The following FAM135A variants were observed in gnomAD, a reference collection of about 807,000 sequenced individuals.
The protein encoded by FAM135A is family with sequence similarity 135 member A.
In FAM135A, 79 loss-of-function variants were observed where a neutral mutation model predicts 146.8. The ratio of observed to expected loss-of-function variants is 0.54; its 90% confidence interval spans 0.45 to 0.65. The LOEUF (loss-of-function observed/expected upper bound fraction) is 0.65, where lower values mean the gene tolerates loss of function less well. Among genes scored for constraint, FAM135A ranks in the 30% least tolerant of loss-of-function variants. The pLI, the probability that FAM135A is intolerant of heterozygous loss-of-function variation, is 0.00. For missense variants in FAM135A, 1,623 were observed against 1,758.2 expected (o/e 0.92, Z 1.38); for synonymous variants, 562 against 603.6 (o/e 0.93, Z 1.01).
intron 10 of FAM135A, among the ~76,000 whole-genome samples, chr6:70,485,883 G>A (rs536678095): frequency 6.6e-6 from 1 of 152,278 alleles, no homozygotes; most frequent in South Asian, 2.1e-4. Context: ...ATCTACACTT[G>A]TAACAGCAGG....
intron 5 of FAM135A, among the ~76,000 whole-genome samples, chr6:70,460,597 C>T (rs922836913): frequency 6.6e-5 from 10 of 152,266 alleles, no homozygotes; most frequent in African/African-American, 1.9e-4. Flanking sequence ...AGATCATAAG[C>T]GTCCAGTAAG....
intron 2 of FAM135A, among the ~76,000 whole-genome samples, chr6:70,422,254 T>C (rs1769018061): frequency 6.6e-6 from 1 of 152,194 alleles, no homozygotes; most frequent in African/African-American, 2.4e-5. Context: ...TGGAGCTAAG[T>C]AGCCATTGCT....
At chr6:70,530,532 A>G (rs375071896) in intron 16 of FAM135A, among the ~76,000 whole-genome samples, 192 of 152,268 alleles carry the variant, frequency 1.3e-3, no homozygotes, top group Non-Finnish European at 2.2e-3. Flanking sequence ...GAATCCACTA[A>G]ACTATTTTTG....
intron 11 of FAM135A, among the ~76,000 whole-genome samples, 182 bp from the exon 12 acceptor site, chr6:70,502,454 G>A (rs111509000): frequency 2.5e-4 from 38 of 152,174 alleles, no homozygotes; most frequent in African/African-American, 9.2e-4. Flanking sequence ...GTAACTATCA[G>A]GTAAGTAAAA....
chr6:70,438,979 G>A (rs541199487), intron 4 of FAM135A, among the ~76,000 whole-genome samples: 1 of 152,180 alleles, frequency 6.6e-6, no homozygotes, highest in East Asian at 1.9e-4. Context: ...CAACAATATA[G>A]TGAGGCCCTA....
In FAM135A at chr6:70,524,537, G is replaced by T; in HGVS notation, c.1453G>T (p.Glu485Ter). 2 of 1,550,654 alleles carry T rather than the reference G, an allele frequency of 1.3e-6. No homozygotes were observed. Among genetic ancestry groups the T allele is most frequent in the East Asian group, 4.9e-5 (2 of 40,902 alleles). ...QLTKSLKGKN[E>*]ESNKSKVKVT... ...AACAAAATCTCTAAAAGGAAAGAATGAAGAATCAAATAAATCCAAAGTTAA... is the reference window on the plus strand; with the variant it reads ...AACAAAATCTCTAAAAGGAAAGAATTAAGAATCAAATAAATCCAAAGTTAA... Residue 485 changes from glutamate to a stop codon, truncating the protein, a stop_gained, in exon 15 of 22, where the codon GAA (glutamate) becomes TAA (stop). Coordinates refer to ENST00000418814, the MANE Select transcript of FAM135A (RefSeq NM_001162529.3). LOFTEE classifies it high-confidence loss of function.
intron 4 of FAM135A, among the ~76,000 whole-genome samples, chr6:70,432,031 T>C (rs1347495173): frequency 1.3e-5 from 2 of 152,144 alleles, no homozygotes; most frequent in Non-Finnish European, 2.9e-5. Context: ...GAAATCACTT[T>C]GCTTAATAAA....
chr6:70,537,153 C>T (rs1796943683), intron 19 of FAM135A, among the ~76,000 whole-genome samples: 1 of 152,052 alleles, frequency 6.6e-6, no homozygotes, highest in African/African-American at 2.4e-5. Flanking sequence ...CCAGAATGGT[C>T]TTGATCTCCT....
Position 70,526,688 on chromosome 6 carries a change from C to G in FAM135A, c.3604C>G (p.Gln1202Glu). The G allele has an allele frequency of 6.3e-7, 1 of 1,597,242 alleles. No individual in the cohort carries two copies. Among genetic ancestry groups the G allele is most frequent in the African/African-American group, 1.4e-5 (1 of 73,918 alleles). The change falls in exon 15 of 22, where the codon CAA becomes GAA. Residue 1202 changes from glutamine to glutamate, a missense_variant. Coordinates refer to ENST00000418814, the MANE Select transcript of FAM135A (RefSeq NM_001162529.3). ...CTGGTATGAAAGTTCACCAAAACCT[C>G]AAATACAAGCGTAAGTAATGGAACG... ...ISWYESSPKPQIQAFLQAKEE... is the reference protein window; with the variant it reads ...ISWYESSPKPEIQAFLQAKEE...
At position 70,455,702 on chromosome 6, in the gene FAM135A, T is replaced by G. The variant is rs1330069310; in HGVS notation, c.157+3131T>G. The stretch of plus-strand genomic sequence containing the variant: ...TTGCCAGTTGAGAAAATCCTCAGAT[T>G]TTAGTTGGTGAGATATCTTTCAAGA... On this transcript the variant is annotated intron_variant, in intron 5 of 21. Transcript: ENST00000418814. 4.6e-5 allele frequency among the ~76,000 whole-genome samples: 7 copies of G among 152,144 alleles called. No individual in the cohort carries two copies. In the South Asian group the frequency reaches 1.0e-3, roughly 23 times the overall value.
At chr6:70,434,393 C>G (rs1772468116) in intron 4 of FAM135A, among the ~76,000 whole-genome samples, 1 of 152,136 alleles carries the variant, frequency 6.6e-6, no homozygotes, top group Non-Finnish European at 1.5e-5. Flanking sequence ...TGCTTTAGGT[C>G]AGTGCTATTC....
rs117698023 is a variant in FAM135A at position 70,418,825 on chromosome 6, A to G, written c.-134+3449A>G. 3.3e-4 allele frequency among the ~76,000 whole-genome samples: 50 copies of G among 152,346 alleles called. No individual in the cohort carries two copies. In the East Asian group the frequency reaches 8.5e-3, roughly 26 times the overall value. ...GACCTAACCAATTCAGGTGGCCAGA[A>G]TTTACACCAGATAGCAGGTTTGGGG... On this transcript the variant is annotated intron_variant, in intron 2 of 21. Coordinates refer to ENST00000418814, the MANE Select transcript of FAM135A (RefSeq NM_001162529.3).
At chr6:70,508,316 T>C (rs2128282274) in intron 12 of FAM135A, among the ~76,000 whole-genome samples, 1 of 152,304 alleles carries the variant, frequency 6.6e-6, no homozygotes, top group South Asian at 2.1e-4. Flanking sequence ...CTTTCAGAAA[T>C]GCAAGAGACA....
intron 5 of FAM135A, among the ~76,000 whole-genome samples, chr6:70,453,533 T>TA (rs1472906827): frequency 6.6e-6 from 1 of 152,146 alleles, no homozygotes; most frequent in Non-Finnish European, 1.5e-5. Flanking sequence ...TCATTTACAT[T>TA]AGGTGTTTCT....
At chr6:70,505,755 TTTTA>T (rs1305123589) in intron 12 of FAM135A, among the ~76,000 whole-genome samples, 6 of 152,156 alleles carry the variant, frequency 3.9e-5, no homozygotes, top group African/African-American at 7.2e-5. Context: ...AAGTTTGTTA[TTTTA>T]TTTGTCTTTT....
At chr6:70,524,284 A>AC in intron 14 of FAM135A, 59 bp from the exon 15 acceptor site, 1 of 1,434,704 alleles carries the variant, frequency 7.0e-7, no homozygotes, top group South Asian at 1.5e-5. Flanking sequence ...AAGAAGTCTT[A>AC]ATCATATGAG....
At chr6:70,442,238 GGT>G (rs1562425683) in intron 4 of FAM135A, among the ~76,000 whole-genome samples, 4 of 136,406 alleles carry the variant, frequency 2.9e-5, no homozygotes, top group Non-Finnish European at 3.1e-5. Context: ...TTTCTTCATG[GGT>G]TTTTTTTTTT....
intron 5 of FAM135A, among the ~76,000 whole-genome samples, chr6:70,456,051 C>T (rs142711145): frequency 0.02 from 3,080 of 152,208 alleles, 105 homozygotes; most frequent in African/African-American, 0.07. Flanking sequence ...GGGGTTTCAC[C>T]ATGTTGGCCA....
chr6:70,446,344 C>T, intron 4 of FAM135A, among the ~76,000 whole-genome samples: 1 of 152,126 alleles, frequency 6.6e-6, no homozygotes, highest in East Asian at 1.9e-4. Flanking sequence ...TCTTGCTGTA[C>T]TTCTTATCAT....
Sources: allele counts gnomAD v4.1 joint callset (sites outside exome capture counted in the v4.1 genomes callset), GRCh38; gene constraint gnomAD v4.1.1; transcripts MANE v1.5; gene names NCBI Gene and HGNC (gene_info 2026-07-23, HGNC 2026-07-21).